The following PTPRD variants were observed in gnomAD, a reference collection of about 807,000 sequenced individuals.
PTPRD encodes the protein receptor-type tyrosine-protein phosphatase delta.
In PTPRD, 34 loss-of-function variants were observed where a neutral mutation model predicts 214.5. The ratio of observed to expected loss-of-function variants is 0.16; its 90% CI spans 0.12 to 0.21. The LOEUF is 0.21. PTPRD is among the 10% of genes least tolerant of loss of function. The probability of loss-of-function intolerance (pLI) is 1.00; values close to 1 mark genes in which losing one functional copy is unlikely to be tolerated. For synonymous variants in PTPRD, 1,128 were observed against 845.7 expected (o/e 1.33, Z -5.79); for missense variants, 2,545 against 2,398.7 (o/e 1.06, Z -1.27).
chr9:9,169,454 T>A (rs373624458), intron 10 of PTPRD, among the ~76,000 whole-genome samples: 116 of 152,256 alleles, frequency 7.6e-4, no homozygotes, highest in Non-Finnish European at 1.3e-3. Flanking sequence ...TTTCTTCAGT[T>A]TGCAATGCTA....
chr9:10,135,954 A>T (rs1443075489), intron 3 of PTPRD, among the ~76,000 whole-genome samples: 1 of 151,666 alleles, frequency 6.6e-6, no homozygotes, highest in Non-Finnish European at 1.5e-5. Flanking sequence ...AAAAAAAAAA[A>T]AATAAGGCCC....
intron 5 of PTPRD, among the ~76,000 whole-genome samples, chr9:9,924,787 A>G (rs1363665569): frequency 6.6e-6 from 1 of 152,080 alleles, no homozygotes; most frequent in Non-Finnish European, 1.5e-5. Flanking sequence ...CTTGAAAGCT[A>G]AAGTTTTGTG....
At chr9:9,670,048 C>G (rs780615550) in intron 7 of PTPRD, among the ~76,000 whole-genome samples, 15 of 152,072 alleles carry the variant, frequency 9.9e-5, no homozygotes, top group Middle Eastern at 3.2e-3. Context: ...CTTTAATCAG[C>G]TAACAGTAAA....
intron 2 of PTPRD, among the ~76,000 whole-genome samples, chr9:10,573,427 C>T (rs944310119): frequency 6.6e-6 from 1 of 152,112 alleles, no homozygotes; most frequent in African/African-American, 2.4e-5. Context: ...GTTCAGATAT[C>T]CTCATAGTGC....
chr9:8,481,877 G>A lies in PTPRD; in HGVS notation c.3413+2242C>T, dbSNP rs62534026. On this transcript the variant is annotated intron_variant, in intron 30 of 45. Transcript: ENST00000381196. ...GACTCACTGTAATCTCCACCTCCCAGGTTCAAGCGATTCTCCCGCCTCAGT... is the reference window on the plus strand; with the variant it reads ...GACTCACTGTAATCTCCACCTCCCAAGTTCAAGCGATTCTCCCGCCTCAGT... Among the ~76,000 whole-genome samples, 840 of 152,204 alleles carry A rather than the reference G, an allele frequency of 5.5e-3. 4 individuals are homozygous for A. The highest frequency in any genetic ancestry group is 7.9e-3 in the Non-Finnish European group (537 of 68,008).
intron 10 of PTPRD, among the ~76,000 whole-genome samples, chr9:9,153,146 T>G (rs1330583116): frequency 1.3e-5 from 2 of 152,234 alleles, no homozygotes; most frequent in African/African-American, 2.4e-5. Context: ...AGGAGGGAAT[T>G]AAACCTGTAA....
At position 8,682,847 on chromosome 9, in the gene PTPRD, T is replaced by C. The variant is rs72700348; in HGVS notation, c.65-46003A>G. 2.7e-3 allele frequency among the ~76,000 whole-genome samples: 406 copies of C among 152,364 alleles called. 1 individual carries two copies. The highest frequency in any genetic ancestry group is 4.1e-3 in the Admixed American group (62 of 15,298). ...TAGCTCTTCTAATGTAGGCCTATCA[T>C]AGGTTTTTGCTGTTCCTTTCTGAGT... On this transcript the variant is annotated intron_variant, in intron 12 of 45. Coordinates refer to ENST00000381196, the MANE Select transcript of PTPRD (RefSeq NM_002839.4).
intron 10 of PTPRD, among the ~76,000 whole-genome samples, chr9:9,033,443 G>C (rs1317034506): frequency 6.6e-6 from 1 of 152,036 alleles, no homozygotes; most frequent in Non-Finnish European, 1.5e-5. Context: ...ATCTCAGAAA[G>C]GGGAATTCTT....
At chr9:9,062,073 T>C (rs1218100150) in intron 10 of PTPRD, among the ~76,000 whole-genome samples, 1 of 152,134 alleles carries the variant, frequency 6.6e-6, no homozygotes, top group African/African-American at 2.4e-5. Context: ...TTAACCCCAA[T>C]CCCTTATGCT....
In PTPRD at chr9:9,209,219, G is replaced by C. The variant is rs2890857; in HGVS notation, c.-202-25856C>G. Among the ~76,000 whole-genome samples the C allele has an allele frequency of 2.8e-3, 433 of 152,182 alleles. 3 individuals carry two copies. The Middle Eastern group carries it at 0.041, about 14-fold the overall frequency. On this transcript the variant is annotated intron_variant, in intron 9 of 45. Coordinates refer to ENST00000381196, the MANE Select transcript of PTPRD (RefSeq NM_002839.4). ...TCCTAATTAGCAATTTGTAGAAAACGGAGAAGATAGAAATATATATTAAAA... is the reference window on the plus strand; with the variant it reads ...TCCTAATTAGCAATTTGTAGAAAACCGAGAAGATAGAAATATATATTAAAA...
At chr9:9,427,735 A>T (rs2081500058) in intron 8 of PTPRD, among the ~76,000 whole-genome samples, 1 of 152,232 alleles carries the variant, frequency 6.6e-6, no homozygotes, top group South Asian at 2.1e-4. Context: ...TCTACAAGCC[A>T]GAAGAGAGTG....
At chr9:10,026,435 C>G (rs943209665) in intron 4 of PTPRD, among the ~76,000 whole-genome samples, 1 of 152,110 alleles carries the variant, frequency 6.6e-6, no homozygotes, top group Non-Finnish European at 1.5e-5. Flanking sequence ...TTTTTAGCAT[C>G]TAAAAATTAC....
intron 15 of PTPRD, 50 bp downstream of exon 15, chr9:8,528,541 T>G (rs1405566899): frequency 7.6e-7 from 1 of 1,314,714 alleles, no homozygotes; most frequent in Middle Eastern, 2.0e-4. Context: ...AGAGAAAAAT[T>G]AAAAAAAAAA....
intron 35 of PTPRD, among the ~76,000 whole-genome samples, chr9:8,430,278 T>TA (rs2094953926): frequency 6.6e-6 from 1 of 151,912 alleles, no homozygotes; most frequent in Non-Finnish European, 1.5e-5. Flanking sequence ...ATTTTTTTTT[T>TA]ACTTTTTTTC....
chr9:8,997,402 A>G (rs1380925891), intron 11 of PTPRD, among the ~76,000 whole-genome samples: 1 of 152,022 alleles, frequency 6.6e-6, no homozygotes, highest in East Asian at 1.9e-4. Flanking sequence ...AAACTCTTTC[A>G]TTATTAGCAT....
Position 9,458,751 on chromosome 9 carries a change from G to T in PTPRD, c.-236-61269C>A, listed in dbSNP as rs533014279. 1.3e-4 allele frequency among the ~76,000 whole-genome samples: 20 copies of T among 152,094 alleles called. No homozygotes were observed. In the East Asian group the frequency reaches 3.5e-3, roughly 27 times the overall value. ...AGTCCAGGAATCCTAGACCTGCCTGGGCAGCATGTAGAAGCCCCATCTGTA... is the reference window on the plus strand; with the variant it reads ...AGTCCAGGAATCCTAGACCTGCCTGTGCAGCATGTAGAAGCCCCATCTGTA... On this transcript the variant is annotated intron_variant, in intron 8 of 45. Transcript: ENST00000381196.
At position 8,460,401 on chromosome 9, in the gene PTPRD, G is replaced by A. The variant is rs2134132962; in HGVS notation, c.3875+10C>T. On this transcript the variant is annotated intron_variant, in intron 33 of 45. Coordinates refer to ENST00000381196, the MANE Select transcript of PTPRD (RefSeq NM_002839.4). ...TCCAAAATTACAACAGAAATATTGG[G>A]CAAACCTACCTTTTATAAAGAAGAA... 6.2e-7 allele frequency: 1 copy of A among 1,610,594 alleles called. No homozygotes were observed. Among genetic ancestry groups the A allele is most frequent in the Non-Finnish European group, 8.5e-7 (1 of 1,178,378 alleles).
At chr9:8,466,368 A>G (rs2096544330) in intron 31 of PTPRD, among the ~76,000 whole-genome samples, 1 of 151,972 alleles carries the variant, frequency 6.6e-6, no homozygotes, top group South Asian at 2.1e-4. Flanking sequence ...CAGATAATAT[A>G]GGCAAGGTAG....
At chr9:8,878,607 G>A (rs984085575) in intron 11 of PTPRD, among the ~76,000 whole-genome samples, 2 of 151,842 alleles carry the variant, frequency 1.3e-5, no homozygotes, top group Non-Finnish European at 2.9e-5. Flanking sequence ...AGCTCATCGT[G>A]GTCTCAAACT....
Sources: gnomAD v4.1 joint callset for allele counts (sites outside exome capture counted in the v4.1 genomes callset) on GRCh38, gnomAD v4.1.1 for gene constraint, MANE v1.5 for transcripts, NCBI Gene and HGNC (gene_info 2026-07-23, HGNC 2026-07-21) for gene names.